The following AKIP1 variants were observed in gnomAD, a reference collection of about 807,000 sequenced individuals.
AKIP1 encodes A-kinase interacting protein 1, also known as A-kinase-interacting protein 1.
AKIP1 carries 18 observed loss-of-function variants against 22.3 expected under a neutral mutation model. That is an observed-to-expected ratio of 0.81 (90% CI 0.56 to 1.19). The LOEUF (loss-of-function observed/expected upper bound fraction) is 1.19, where lower values mean the gene tolerates loss of function less well. Among genes scored for constraint, AKIP1 ranks in the 50% most tolerant of loss-of-function variants. AKIP1 has a pLI of 0.00. For missense variants in AKIP1, 287 were observed against 264.6 expected (o/e 1.08, Z -0.59); for synonymous variants, 120 against 102.7 (o/e 1.17, Z -1.02).
At chr11:8,917,397 T>C (rs2064502346) in intron 5 of AKIP1, 30 bp downstream of exon 5, 2 of 1,537,820 alleles carry the variant, frequency 1.3e-6, no homozygotes, top group Non-Finnish European at 9.0e-7. Context: ...CGCACTGGGT[T>C]TCACCACCGT....
intron 2 of AKIP1, 26 bp from the exon 3 acceptor site, chr11:8,912,427 C>T (rs1446389809): frequency 2.5e-6 from 4 of 1,590,216 alleles, no homozygotes; most frequent in Non-Finnish European, 3.5e-6. Context: ...TAGAGCTAAC[C>T]TGTGACGTGC....
At chr11:8,919,281 A>T in intron 5 of AKIP1, 56 bp from the exon 6 acceptor site, 1 of 1,550,716 alleles carries the variant, frequency 6.4e-7, no homozygotes, top group Non-Finnish European at 8.8e-7. Context: ...CTGGGGGGCC[A>T]TGGTGGCACT....
At position 8,911,669 on chromosome 11, in the gene AKIP1, G is replaced by A. The variant is rs747406661; in HGVS notation, c.220G>A (p.Glu74Lys). The A allele has an allele frequency of 6.5e-7, 1 of 1,547,486 alleles. No homozygotes were observed. Among genetic ancestry groups the A allele is most frequent in the Non-Finnish European group, 8.7e-7 (1 of 1,149,616 alleles). ...AAGPQRVLPG[E>K]REERPPTLSA... ...CGGCCCGCAGCGCGTTCTCCCGGGA[G>A]AGGTGAGGGTCGCTGTGCCGGGGGC... Residue 74 changes from glutamate to lysine, a missense_variant and splice_region_variant, in exon 2 of 6, where the codon GAG becomes AAG. Transcript: ENST00000309377.
chr11:8,911,362 C>A, intron 1 of AKIP1, 82 bp from the exon 2 acceptor site: 3 of 1,301,226 alleles, frequency 2.3e-6, no homozygotes, highest in Non-Finnish European at 3.2e-6. Flanking sequence ...GAGGTCGAGG[C>A]TGGGGCTCCC....
At chr11:8,911,411 C>A (rs201278953) in intron 1 of AKIP1, 33 bp from the exon 2 acceptor site, 2 of 1,528,428 alleles carry the variant, frequency 1.3e-6, no homozygotes. Flanking sequence ...CCCAGCTGAC[C>A]CGCCGGCGTT....
Position 8,919,741 on chromosome 11 carries a change from A to G in AKIP1, c.*261A>G. ...AAGTTCCGCCTCCCGGGTTCACACC[A>G]TTCTCCTGCCTCAGCCTCCCGAGTA... is the stretch of plus-strand genomic sequence containing the variant. On this transcript the variant is annotated 3_prime_UTR_variant, in exon 6 of 6. Transcript: ENST00000309377. 1 of 300,896 alleles carries G rather than the reference A, an allele frequency of 3.3e-6. No homozygotes were observed. Among genetic ancestry groups the G allele is most frequent in the Non-Finnish European group, 6.2e-6 (1 of 161,378 alleles). 18.6% of individuals were successfully genotyped at this position (300,896 alleles called of 1,614,324 possible).
At chr11:8,914,640 T>G (rs2064450145) in intron 3 of AKIP1, among the ~76,000 whole-genome samples, 186 bp from the exon 4 acceptor site, 1 of 152,198 alleles carries the variant, frequency 6.6e-6, no homozygotes, top group South Asian at 2.1e-4. Context: ...ATGCATTTCT[T>G]TCTCTGCAGC....
chr11:8,915,819 C>CTTTTTTTTTT (rs1258666817), intron 4 of AKIP1, among the ~76,000 whole-genome samples: 2 of 124,034 alleles, frequency 1.6e-5, no homozygotes, highest in Admixed American at 8.7e-5. Context: ...ATTTTTCTTT[C>CTTTTTTTTTT]TTTTTTTTTT....
intron 4 of AKIP1, among the ~76,000 whole-genome samples, chr11:8,915,819 C>CT (rs1258666817): frequency 0.25 from 30,464 of 123,822 alleles, 4,654 homozygotes; most frequent in South Asian, 0.38. Flanking sequence ...ATTTTTCTTT[C>CT]TTTTTTTTTT....
chr11:8,912,313 T>G, intron 2 of AKIP1, 140 bp from the exon 3 acceptor site: 1 of 662,670 alleles, frequency 1.5e-6, no homozygotes, highest in Admixed American at 2.5e-5. Flanking sequence ...GAGTTGGAAT[T>G]CTTTCTCAAT....
At position 8,912,549 on chromosome 11, in the gene AKIP1, C is replaced by G; in HGVS notation, c.303+16C>G. On this transcript the variant is annotated intron_variant, in intron 3 of 5. Transcript: ENST00000309377. ...TCAGTGTGGGGTAAGTTGGTGTGAACCAAAACTATGCCCCATCACCTGCTG... is the reference window on the plus strand; with the variant it reads ...TCAGTGTGGGGTAAGTTGGTGTGAAGCAAAACTATGCCCCATCACCTGCTG... 1.2e-6 allele frequency: 2 copies of G among 1,607,450 alleles called. No homozygotes were observed. The highest frequency in any genetic ancestry group is 1.7e-6 in the Non-Finnish European group (2 of 1,173,966).
rs2064346793 is a variant in AKIP1, at chr11:8,911,555, G to A, written c.106G>A (p.Ala36Thr). Residue 36 changes from alanine (A) to threonine (T), a missense_variant, in exon 2 of 6, where the codon GCG (alanine) becomes ACG (threonine). Coordinates refer to ENST00000309377, the MANE Select transcript of AKIP1 (RefSeq NM_020642.4). ...AGTGCTGGAGAGGGCCAAGAGGAGGGCGGTGGACTGGCATGCCCTGGAGCG... is the reference window on the plus strand; with the variant it reads ...AGTGCTGGAGAGGGCCAAGAGGAGGACGGTGGACTGGCATGCCCTGGAGCG... Reference protein sequence around the residue: ...LEVLERAKRRAVDWHALERPK... With the variant: ...LEVLERAKRRTVDWHALERPK... The A allele has an allele frequency of 6.2e-7, 1 of 1,611,220 alleles. No homozygotes were observed. The highest frequency in any genetic ancestry group is 1.7e-5 in the Admixed American group (1 of 59,660).
rs79723679 is a variant in AKIP1, at chr11:8,911,415, C to T, written c.-6-29C>T. 1.8e-5 allele frequency: 27 copies of T among 1,535,738 alleles called. No homozygotes were observed. In the East Asian group the frequency reaches 4.6e-4, roughly 26 times the overall value. On this transcript the variant is annotated intron_variant, in intron 1 of 5. Transcript: ENST00000309377. ...GGTCGCCGCGGCCCAGCTGACCCGCCGGCGTTTGTACGTTGTGTGCCCACT... is the reference window on the plus strand; with the variant it reads ...GGTCGCCGCGGCCCAGCTGACCCGCTGGCGTTTGTACGTTGTGTGCCCACT...
rs754127774 is a variant in AKIP1 at position 8,914,898 on chromosome 11, C to T, written c.376C>T (p.Leu126=). ...VYRYHRGESK[L]HMCLDIGNGQ... ...TCGTTATCACAGAGGCGAGTCGAAG[C>T]TGCACATGTGCTTGGACATAGGGAA... The change falls in exon 4 of 6, where the codon CTG becomes TTG. Residue 126 remains leucine (L), a synonymous_variant. Transcript: ENST00000309377. The T allele has an allele frequency of 4.3e-6, 7 of 1,613,948 alleles. No homozygotes were observed. The highest frequency in any genetic ancestry group is 5.1e-6 in the Non-Finnish European group (6 of 1,179,978).
At chr11:8,916,247 T>G (rs1231145550) in intron 4 of AKIP1, among the ~76,000 whole-genome samples, 2 of 151,862 alleles carry the variant, frequency 1.3e-5, no homozygotes. Flanking sequence ...TGAGCCACCA[T>G]GCCTGGCCCC....
At chr11:8,912,427 C>A in intron 2 of AKIP1, 26 bp from the exon 3 acceptor site, 1 of 1,590,216 alleles carries the variant, frequency 6.3e-7, no homozygotes, top group Non-Finnish European at 8.6e-7. Flanking sequence ...TAGAGCTAAC[C>A]TGTGACGTGC....
intron 4 of AKIP1, 52 bp downstream of exon 4, chr11:8,914,982 C>T (rs1386737500): frequency 1.4e-6 from 2 of 1,409,724 alleles, no homozygotes; most frequent in Non-Finnish European, 2.0e-6. Context: ...CAAGATATGA[C>T]ACCCTATATT....
chr11:8,919,019 C>A lies in AKIP1; in HGVS notation c.490-318C>A, dbSNP rs554688179. On this transcript the variant is annotated intron_variant, in intron 5 of 5. Coordinates refer to ENST00000309377, the MANE Select transcript of AKIP1 (RefSeq NM_020642.4). Reference sequence around the variant, plus strand: ...TGATCCCCAAAACAGTGGCCTCTAGCCTTTCCTTCTGCCTAACTCCAAGTA... The same window carrying A: ...TGATCCCCAAAACAGTGGCCTCTAGACTTTCCTTCTGCCTAACTCCAAGTA... 2.0e-5 allele frequency among the ~76,000 whole-genome samples: 3 copies of A among 152,354 alleles called. No individual in the cohort carries two copies. The South Asian group carries it at 6.2e-4, about 32-fold the overall frequency.
chr11:8,919,273 G>A lies in AKIP1; in HGVS notation c.490-64G>A, dbSNP rs188435132. 786 of 1,504,816 alleles carry A rather than the reference G, an allele frequency of 5.2e-4. 7 individuals are homozygous for A. The African/African-American group carries it at 9.7e-3, about 18-fold the overall frequency. 93.2% of individuals were successfully genotyped at this position (1,504,816 alleles called of 1,614,324 possible). ...CCTCTGCAAGGACAGGTAGCCTGCT[G>A]GGGGGCCATGGTGGCACTGGGGTAT... On this transcript the variant is annotated intron_variant, in intron 5 of 5. Coordinates refer to ENST00000309377, the MANE Select transcript of AKIP1 (RefSeq NM_020642.4).
Sources: gnomAD v4.1 joint callset for allele counts (sites outside exome capture counted in the v4.1 genomes callset) on GRCh38, gnomAD v4.1.1 for gene constraint, MANE v1.5 for transcripts, NCBI Gene and HGNC (gene_info 2026-07-23, HGNC 2026-07-21) for gene names.